Variants in DOCK8 observed in about 807,000 individuals in gnomAD.
DOCK8 encodes dedicator of cytokinesis protein 8.
Under a neutral mutation model 245.6 loss-of-function variants are expected in DOCK8, and 141 were observed. The observed-to-expected ratio is 0.57, with a 90% CI of 0.50 to 0.66. DOCK8 has a LOEUF of 0.66. Among genes scored for constraint, DOCK8 ranks in the 30% least tolerant of loss-of-function variants. The pLI, the probability that DOCK8 is intolerant of heterozygous loss-of-function variation, is 0.00. For synonymous variants in DOCK8, 1,168 were observed against 970.2 expected (o/e 1.20, Z -3.79); for missense variants, 2,965 against 2,603.4 (o/e 1.14, Z -3.02).
intron 23 of DOCK8, 115 bp from the exon 24 acceptor site, chr9:390,356 A>G: frequency 1.1e-6 from 1 of 948,468 alleles, no homozygotes; most frequent in Non-Finnish European, 1.7e-6. Flanking sequence ...TCTAAGACAC[A>G]TGCTTCAGGA....
At chr9:311,336 C>T (rs138103983) in intron 5 of DOCK8, among the ~76,000 whole-genome samples, 31 of 150,036 alleles carry the variant, frequency 2.1e-4, no homozygotes, top group South Asian at 4.2e-4. Flanking sequence ...AACTCCTGGG[C>T]GGGGTTCAAG....
chr9:222,510 C>A (rs1374425296), intron 1 of DOCK8, among the ~76,000 whole-genome samples: 1 of 152,136 alleles, frequency 6.6e-6, no homozygotes, highest in Non-Finnish European at 1.5e-5. Context: ...CCTTTCCCCA[C>A]ATTCACACCC....
chr9:214,775 G>A, upstream of DOCK8: 4 of 1,543,008 alleles, frequency 2.6e-6, no homozygotes, highest in Non-Finnish European at 3.5e-6. Context: ...GCCGGGTGGC[G>A]GAGCCGGCCG....
At chr9:247,690 C>T (rs544402840) in intron 1 of DOCK8, among the ~76,000 whole-genome samples, 3 of 152,126 alleles carry the variant, frequency 2.0e-5, no homozygotes, top group East Asian at 1.9e-4. Flanking sequence ...CCCACCACCA[C>T]GCCCGGCTAA....
intron 23 of DOCK8, 117 bp from the exon 24 acceptor site, chr9:390,354 A>G: frequency 1.1e-6 from 1 of 928,716 alleles, no homozygotes; most frequent in Non-Finnish European, 1.7e-6. Flanking sequence ...CATCTAAGAC[A>G]CATGCTTCAG....
chr9:463,098 T>G (rs2057856739), intron 46 of DOCK8, among the ~76,000 whole-genome samples: 1 of 152,066 alleles, frequency 6.6e-6, no homozygotes, highest in Admixed American at 6.6e-5. Flanking sequence ...TTTTTAACAT[T>G]AGACATTTCT....
intron 46 of DOCK8, among the ~76,000 whole-genome samples, chr9:457,389 T>C (rs1179204276): frequency 2.0e-5 from 3 of 152,204 alleles, no homozygotes; most frequent in Non-Finnish European, 4.4e-5. Flanking sequence ...AGTTAATACA[T>C]GGAACTTAGA....
At position 429,658 on chromosome 9, in the gene DOCK8, C is replaced by G. The variant is rs111320274; in HGVS notation, c.4474-44C>G. 9 of 1,612,622 alleles carry G rather than the reference C, an allele frequency of 5.6e-6. No homozygotes were observed. In the African/African-American group the frequency reaches 6.7e-5, roughly 12 times the overall value. On this transcript the variant is annotated intron_variant, in intron 35 of 47. Transcript: ENST00000432829. ...TATTTCAACGGTCCAGAAAGTGTAT[C>G]AAACTGCCAAGTGATGCCTAATGGC...
At chr9:283,108 G>T (rs1264016213) in intron 2 of DOCK8, among the ~76,000 whole-genome samples, 1 of 152,116 alleles carries the variant, frequency 6.6e-6, no homozygotes, top group Non-Finnish European at 1.5e-5. Context: ...GCCTGCAAAA[G>T]GAAACAATCA....
chr9:382,407 A>C lies in DOCK8; in HGVS notation c.2606-106A>C, dbSNP rs1161077915. 1.0e-5 allele frequency: 15 copies of C among 1,499,358 alleles called. No individual in the cohort carries two copies. The East Asian group carries it at 3.2e-4, about 32-fold the overall frequency. The allele number at this position is 1,499,358 out of a possible 1,614,324, so 92.9% of individuals were successfully genotyped here. On this transcript the variant is annotated intron_variant, in intron 21 of 47. Coordinates refer to ENST00000432829, the MANE Select transcript of DOCK8 (RefSeq NM_203447.4). ...AAGAAGTCTCTAATTCCAAGGCCTAATCCGGTGGCTTTTCATCCACCCTAT... is the reference window on the plus strand; with the variant it reads ...AAGAAGTCTCTAATTCCAAGGCCTACTCCGGTGGCTTTTCATCCACCCTAT...
chr9:248,860 TAG>T (rs2047578322), intron 1 of DOCK8, among the ~76,000 whole-genome samples: 1 of 152,098 alleles, frequency 6.6e-6, no homozygotes, highest in African/African-American at 2.4e-5. Context: ...CTCTGAAAAA[TAG>T]AGACTCTCCA....
Position 432,209 on chromosome 9 carries a change from C to G in DOCK8, c.4670C>G (p.Ser1557Cys), listed in dbSNP as rs773869274. Reference protein sequence around the residue: ...VKMQVTMSLASLVGRAPDFNE... With the variant: ...VKMQVTMSLACLVGRAPDFNE... ...ATGCAAGTAACCATGTCCCTGGCAT[C>G]TTTGGTGGGAAGAGCACCAGACTTT... Residue 1557 changes from serine (S) to cysteine (C), a missense_variant, in exon 37 of 48, where the codon TCT becomes TGT. Physicochemically the swap from Ser to Cys is moderately radical, Grantham distance 112. Coordinates refer to ENST00000432829, the MANE Select transcript of DOCK8 (RefSeq NM_203447.4). The G allele has an allele frequency of 8.7e-6, 14 of 1,612,754 alleles. No homozygotes were observed. Among genetic ancestry groups the G allele is most frequent in the Non-Finnish European group, 1.1e-5 (13 of 1,179,822 alleles).
chr9:299,172 A>AT (rs909025174), intron 4 of DOCK8, among the ~76,000 whole-genome samples: 6 of 151,636 alleles, frequency 4.0e-5, no homozygotes, highest in East Asian at 3.9e-4. Flanking sequence ...GATCACACAG[A>AT]TTTTTTTTTC....
intron 14 of DOCK8, among the ~76,000 whole-genome samples, chr9:346,269 C>G (rs10971611): frequency 0.55 from 83,644 of 151,928 alleles, 24,342 homozygotes; most frequent in East Asian, 0.83. Flanking sequence ...CACATTTGCA[C>G]CAACTCCTGG....
At chr9:382,212 AC>A (rs2053748142) in intron 21 of DOCK8, among the ~76,000 whole-genome samples, 1 of 152,098 alleles carries the variant, frequency 6.6e-6, no homozygotes, top group Non-Finnish European at 1.5e-5. Flanking sequence ...AGCTCTAGCA[AC>A]CCTGGGGTCC....
At chr9:218,961 T>C (rs181465507) in intron 1 of DOCK8, among the ~76,000 whole-genome samples, 180 of 152,270 alleles carry the variant, frequency 1.2e-3, no homozygotes, top group African/African-American at 3.3e-3. Context: ...AGAGAAGATA[T>C]AGAAATTGTC....
At chr9:426,621 T>C (rs1207391353) in intron 33 of DOCK8, among the ~76,000 whole-genome samples, 3 of 152,130 alleles carry the variant, frequency 2.0e-5, no homozygotes, top group Non-Finnish European at 4.4e-5. Context: ...TCTCTACCCA[T>C]AGTGTTATTT....
At chr9:245,019 T>C (rs1175763590) in intron 1 of DOCK8, among the ~76,000 whole-genome samples, 1 of 152,064 alleles carries the variant, frequency 6.6e-6, no homozygotes, top group Non-Finnish European at 1.5e-5. Context: ...CACTTGTTTT[T>C]CCCACATCAG....
At chr9:279,530 T>G (rs2048490797) in intron 2 of DOCK8, among the ~76,000 whole-genome samples, 1 of 152,192 alleles carries the variant, frequency 6.6e-6, no homozygotes, top group Admixed American at 6.5e-5. Context: ...TGTCACAATT[T>G]GCCTGGTACT....
Sources: allele counts gnomAD v4.1 joint callset (sites outside exome capture counted in the v4.1 genomes callset), GRCh38; gene constraint gnomAD v4.1.1; transcripts MANE v1.5; gene names NCBI Gene and HGNC (gene_info 2026-07-23, HGNC 2026-07-21).